The following VGLL3 variants were observed in gnomAD, a reference collection of about 807,000 sequenced individuals.
VGLL3 encodes the protein transcription cofactor vestigial-like protein 3.
A neutral mutation model predicts 29.2 loss-of-function variants in VGLL3; 18 were observed. The ratio of observed to expected loss-of-function variants is 0.62; its 90% CI spans 0.43 to 0.91. VGLL3 has a LOEUF of 0.91. Among genes scored for constraint, VGLL3 ranks in the 40% least tolerant of loss-of-function variants. The pLI is 0.00. For synonymous variants in VGLL3, 180 were observed against 151.8 expected (o/e 1.19, Z -1.36); for missense variants, 440 against 413.2 (o/e 1.06, Z -0.56).
At position 86,978,707 on chromosome 3, in the gene VGLL3, C is replaced by T. The variant is rs1469526311; in HGVS notation, c.222G>A (p.Glu74=). The change falls in exon 2 of 4, where the codon GAG becomes GAA. Residue 74 remains glutamate, a synonymous_variant. Coordinates refer to ENST00000398399, the MANE Select transcript of VGLL3 (RefSeq NM_016206.4). ...ACTCCATCTCGGCAGGCTGGTCTTT[C>T]TCCTCCTCCTCCTCCTCCTCATCCT... is the stretch of plus-strand genomic sequence containing the variant. ...EEEDEEEEEE[E]KDQPAEMEYL... 6.6e-7 allele frequency: 1 copy of T among 1,508,574 alleles called. No individual in the cohort carries two copies. Among genetic ancestry groups the T allele is most frequent in the South Asian group, 1.3e-5 (1 of 77,962 alleles). The allele number at this position is 1,508,574 out of a possible 1,614,324, so 93.4% of individuals were successfully genotyped here. A position where few individuals can be genotyped will look rare whatever the true frequency, so the allele number is the denominator to read the frequency against.
chr3:86,949,719 C>A (rs556889649), intron 3 of VGLL3, among the ~76,000 whole-genome samples: 2 of 150,160 alleles, frequency 1.3e-5, no homozygotes, highest in Non-Finnish European at 3.0e-5. Context: ...CCCAGCTACT[C>A]GGGAGGCTGA....
In VGLL3 at chr3:86,942,456, C is replaced by T. The variant is rs1283036161; in HGVS notation, c.*4568G>A. On this transcript the variant is annotated 3_prime_UTR_variant, in exon 4 of 4. Coordinates refer to ENST00000398399, the MANE Select transcript of VGLL3 (RefSeq NM_016206.4). ...AGATCGTAAATGGTTGTGTTTTTCCCCCTTTTAATGCGGAAGATTTTTTCC... is the reference window on the plus strand; with the variant it reads ...AGATCGTAAATGGTTGTGTTTTTCCTCCTTTTAATGCGGAAGATTTTTTCC... 1 of 151,954 alleles carries T rather than the reference C, an allele frequency of 6.6e-6. No homozygotes were observed. The highest frequency in any genetic ancestry group is 2.4e-5 in the African/African-American group (1 of 41,360). 9.4% of individuals were successfully genotyped at this position (151,954 alleles called of 1,614,324 possible). A position where few individuals can be genotyped will look rare whatever the true frequency, so the allele number is the denominator to read the frequency against.
At chr3:86,949,567 C>T (rs1704572327) in intron 3 of VGLL3, among the ~76,000 whole-genome samples, 1 of 151,678 alleles carries the variant, frequency 6.6e-6, no homozygotes, top group Non-Finnish European at 1.5e-5. Context: ...TGGCTCATGT[C>T]TGTAATCTCA....
chr3:86,977,685 A>C (rs1191312550), intron 2 of VGLL3, among the ~76,000 whole-genome samples: 1 of 152,222 alleles, frequency 6.6e-6, no homozygotes, highest in Non-Finnish European at 1.5e-5. Context: ...TCGCACTTCT[A>C]ACAAGCTCCC....
At chr3:86,982,327 G>A (rs989585805) in intron 1 of VGLL3, among the ~76,000 whole-genome samples, 2 of 151,604 alleles carry the variant, frequency 1.3e-5, no homozygotes, top group Admixed American at 6.6e-5. Context: ...TGTATTTTTC[G>A]TAGAGACGGG....
chr3:86,941,454 T>C lies in VGLL3; in HGVS notation c.*5570A>G, dbSNP rs1704395879. 1 of 152,270 alleles carries C rather than the reference T, an allele frequency of 6.6e-6. No individual in the cohort carries two copies. Among genetic ancestry groups the C allele is most frequent in the East Asian group, 1.9e-4 (1 of 5,194 alleles). The allele number at this position is 152,270 out of a possible 1,614,324, so 9.4% of individuals were successfully genotyped here. On this transcript the variant is annotated 3_prime_UTR_variant, in exon 4 of 4. Coordinates refer to ENST00000398399, the MANE Select transcript of VGLL3 (RefSeq NM_016206.4). Reference sequence around the variant, plus strand: ...AATTTAGTAGTCTAGAAATTGTTTTTTTTTTTAAAAAAACAAATTGATGAT... The same window carrying C: ...AATTTAGTAGTCTAGAAATTGTTTTCTTTTTTAAAAAAACAAATTGATGAT...
rs1559716912 is a variant in VGLL3, at chr3:86,944,877, T to C, written c.*2147A>G. On this transcript the variant is annotated 3_prime_UTR_variant, in exon 4 of 4. Transcript: ENST00000398399. ...AGTTAATGTATTCCGAAGGTGGATG[T>C]GGATGAGGCAAATAACCCTGTCAGT... The C allele has an allele frequency of 6.6e-6, 1 of 152,222 alleles. No individual in the cohort carries two copies. The highest frequency in any genetic ancestry group is 1.5e-5 in the Non-Finnish European group (1 of 68,034). The allele number at this position is 152,222 out of a possible 1,614,324, so 9.4% of individuals were successfully genotyped here. A position where few individuals can be genotyped will look rare whatever the true frequency, so the allele number is the denominator to read the frequency against.
At chr3:86,966,786 T>C (rs867648433) in intron 3 of VGLL3, among the ~76,000 whole-genome samples, 16 of 85,548 alleles carry the variant, frequency 1.9e-4, no homozygotes, top group African/African-American at 7.5e-4. Flanking sequence ...TATATATATA[T>C]ATATATATAT....
Position 86,982,458 on chromosome 3 carries a change from T to A in VGLL3, c.127-3656A>T, listed in dbSNP as rs139837441. Reference sequence around the variant, plus strand: ...ACTGCGTCCAGCTCTGCTTTTTTTTTTTTTTTAACTAAGTATTTTGCTCAT... The same window carrying A: ...ACTGCGTCCAGCTCTGCTTTTTTTTATTTTTTAACTAAGTATTTTGCTCAT... On this transcript the variant is annotated intron_variant, in intron 1 of 3. Transcript: ENST00000398399. Among the ~76,000 whole-genome samples the A allele has an allele frequency of 4.0e-3, 605 of 152,182 alleles. 6 individuals carry two copies. Among genetic ancestry groups the A allele is most frequent in the African/African-American group, 0.014 (575 of 41,512 alleles).
chr3:86,986,369 T>A (rs1281958797), intron 1 of VGLL3, among the ~76,000 whole-genome samples: 1 of 152,196 alleles, frequency 6.6e-6, no homozygotes, highest in Non-Finnish European at 1.5e-5. Flanking sequence ...CCATCATCAT[T>A]GTAATCTCGA....
At chr3:86,954,099 T>C (rs1704668611) in intron 3 of VGLL3, among the ~76,000 whole-genome samples, 2 of 152,224 alleles carry the variant, frequency 1.3e-5, no homozygotes, top group South Asian at 4.1e-4. Context: ...TCCAGGCACA[T>C]TTAGAATTCA....
In VGLL3 at chr3:86,938,046, C is replaced by G. The variant is rs1382448828; in HGVS notation, c.*8978G>C. On this transcript the variant is annotated 3_prime_UTR_variant, in exon 4 of 4. Coordinates refer to ENST00000398399, the MANE Select transcript of VGLL3 (RefSeq NM_016206.4). ...GGCACATAGCATGATATCATGTCAC[C>G]CATTGATCCTTGATTAGTCCTGAAG... 1 of 152,040 alleles carries G rather than the reference C, an allele frequency of 6.6e-6. No homozygotes were observed. Among genetic ancestry groups the G allele is most frequent in the Non-Finnish European group, 1.5e-5 (1 of 68,012 alleles). 9.4% of individuals were successfully genotyped at this position (152,040 alleles called of 1,614,324 possible).
Position 86,969,146 on chromosome 3 carries a change from ACAT to A in VGLL3, c.404-26_404-24del, listed in dbSNP as rs571483704. The A allele has an allele frequency of 1.7e-4, 264 of 1,534,870 alleles. No homozygotes were observed. The African/African-American group carries it at 3.2e-3, about 18-fold the overall frequency. On this transcript the variant is annotated intron_variant, in intron 2 of 3. Transcript: ENST00000398399. ...TGTCTGAGAAGACAGAAAATAAAAA[ACAT>A]TATTAACATAAGACTCAGTTTTGGG...
intron 2 of VGLL3, among the ~76,000 whole-genome samples, chr3:86,972,672 G>T (rs181208681): frequency 6.6e-6 from 1 of 152,208 alleles, no homozygotes; most frequent in East Asian, 1.9e-4. Flanking sequence ...CTATTTCTAT[G>T]CAATATTACA....
At position 86,940,495 on chromosome 3, in the gene VGLL3, CTTAA is replaced by C. The variant is rs1450067074; in HGVS notation, c.*6525_*6528del. The C allele has an allele frequency of 6.6e-6, 1 of 152,484 alleles. No homozygotes were observed. Among genetic ancestry groups the C allele is most frequent in the African/African-American group, 2.4e-5 (1 of 41,426 alleles). 9.4% of individuals were successfully genotyped at this position (152,484 alleles called of 1,614,324 possible). On this transcript the variant is annotated 3_prime_UTR_variant, in exon 4 of 4. Transcript: ENST00000398399. ...ACTTCTTGGCCCTAGAAATTAACTT[CTTAA>C]TTAATAACACCTAAGATGTTGTAAT...
At chr3:86,986,155 A>G (rs1440403334) in intron 1 of VGLL3, among the ~76,000 whole-genome samples, 1 of 151,954 alleles carries the variant, frequency 6.6e-6, no homozygotes, top group East Asian at 1.9e-4. Flanking sequence ...CACCTCTTTT[A>G]CCATCTTATA....
intron 3 of VGLL3, among the ~76,000 whole-genome samples, chr3:86,948,269 AG>A (rs139898928): frequency 0.01 from 1,577 of 152,298 alleles, 26 homozygotes; most frequent in African/African-American, 0.036. Context: ...AAGGATCTCA[AG>A]TTGTCTGCTT....
rs57744873 is a variant in VGLL3, at chr3:86,960,932, G to GATATAT, written c.937+7652_937+7657dup. Among the ~76,000 whole-genome samples, 708 of 137,830 alleles carry GATATAT rather than the reference G, an allele frequency of 5.1e-3. 2 individuals carry two copies. Among genetic ancestry groups the GATATAT allele is most frequent in the Middle Eastern group, 0.011 (3 of 266 alleles). 90.4% of individuals were successfully genotyped at this position (137,830 alleles called of 152,430 possible). A position where few individuals can be genotyped will look rare whatever the true frequency, so the allele number is the denominator to read the frequency against. On this transcript the variant is annotated intron_variant, in intron 3 of 3. Coordinates refer to ENST00000398399, the MANE Select transcript of VGLL3 (RefSeq NM_016206.4). ...TATTAGGTTATGCAAAAGTAATTGT[G>GATATAT]ATATATATATATATATATATATATA...
rs543705746 is a variant in VGLL3 at position 86,946,849 on chromosome 3, T to G, written c.*175A>C. The stretch of plus-strand genomic sequence containing the variant: ...CAAATAAAAATGCTTTTCTTCAATG[T>G]CTGGGACCCACTTTGCTTTCTCAAG... On this transcript the variant is annotated 3_prime_UTR_variant, in exon 4 of 4. Transcript: ENST00000398399. 6 of 566,306 alleles carry G rather than the reference T, an allele frequency of 1.1e-5. No individual in the cohort carries two copies. The highest frequency in any genetic ancestry group is 9.5e-5 in the African/African-American group (5 of 52,742). 35.1% of individuals were successfully genotyped at this position (566,306 alleles called of 1,614,324 possible). A position where few individuals can be genotyped will look rare whatever the true frequency, so the allele number is the denominator to read the frequency against.
Sources: gnomAD v4.1 joint callset for allele counts (sites outside exome capture counted in the v4.1 genomes callset) on GRCh38, gnomAD v4.1.1 for gene constraint, MANE v1.5 for transcripts, NCBI Gene and HGNC (gene_info 2026-07-23, HGNC 2026-07-21) for gene names.